KLHL3: variants seen among roughly 807,000 people sequenced by gnomAD.
KLHL3 encodes kelch-like protein 3.
A neutral mutation model predicts 70.5 loss-of-function variants in KLHL3; 19 were observed. That is an observed-to-expected ratio of 0.27 (90% confidence interval 0.19 to 0.40). The LOEUF (loss-of-function observed/expected upper bound fraction) is 0.40, where lower values mean the gene tolerates loss of function less well. KLHL3 is among the 10% of genes least tolerant of loss of function. The pLI is 1.00. For synonymous variants in KLHL3, 258 were observed against 290.3 expected, an observed-to-expected ratio of 0.89 and a Z score of 1.13; for missense variants, 512 against 771.1, an observed-to-expected ratio of 0.66 and a Z score of 3.98.
At chr5:137,729,237 G>A (rs1239200164) in intron 1 of KLHL3, among the ~76,000 whole-genome samples, 12 of 152,092 alleles carry the variant, frequency 7.9e-5, no homozygotes, top group Admixed American at 7.2e-4. Context: ...ACTCAATGAA[G>A]GCAAAACAAC....
chr5:137,672,406 C>A (rs1449621867), intron 6 of KLHL3, among the ~76,000 whole-genome samples: 1 of 152,182 alleles, frequency 6.6e-6, no homozygotes. Flanking sequence ...AATAAGATAT[C>A]AAAATTTGGT....
intron 3 of KLHL3, chr5:137,706,474 T>C (rs915167255): frequency 8.7e-6 from 6 of 690,758 alleles, no homozygotes; most frequent in African/African-American, 3.9e-5. Context: ...CTGGTACAAC[T>C]GTTCTTTAGA....
At chr5:137,704,321 C>T (rs1196483024) in intron 3 of KLHL3, among the ~76,000 whole-genome samples, 2 of 151,890 alleles carry the variant, frequency 1.3e-5, no homozygotes, top group East Asian at 1.9e-4. Flanking sequence ...GGAAGCGGAG[C>T]TTGCAGTGAG....
At chr5:137,646,576 A>C (rs562642814) in intron 8 of KLHL3, among the ~76,000 whole-genome samples, 29 of 152,296 alleles carry the variant, frequency 1.9e-4, no homozygotes, top group African/African-American at 6.5e-4. Context: ...CATCTCTGAA[A>C]TCACAAACTT....
At chr5:137,723,421 C>T (rs78791354) in intron 1 of KLHL3, among the ~76,000 whole-genome samples, 20 of 152,130 alleles carry the variant, frequency 1.3e-4, no homozygotes, top group African/African-American at 4.8e-4. Flanking sequence ...ATCACTCAGA[C>T]TTTTAGATTT....
intron 1 of KLHL3, among the ~76,000 whole-genome samples, chr5:137,731,554 T>C (rs926049179): frequency 4.6e-5 from 7 of 152,114 alleles, no homozygotes; most frequent in Admixed American, 2.0e-4. Context: ...CAAGGGTAAA[T>C]AGATGAGCTC....
At chr5:137,635,345 T>A (rs1248873353) in intron 11 of KLHL3, among the ~76,000 whole-genome samples, 5 of 152,110 alleles carry the variant, frequency 3.3e-5, no homozygotes, top group Admixed American at 6.5e-5. Context: ...CAAAATTTTT[T>A]AAAAACCTGA....
intron 12 of KLHL3, chr5:137,628,740 TACATACATA>T (rs1750555129): frequency 6.5e-6 from 1 of 154,926 alleles, no homozygotes; most frequent in African/African-American, 4.3e-5. Flanking sequence ...CAGACATACA[TACATACATA>T]CATACATACA....
chr5:137,693,344 A>G (rs998521319), intron 4 of KLHL3, among the ~76,000 whole-genome samples: 17 of 152,210 alleles, frequency 1.1e-4, no homozygotes, highest in African/African-American at 4.1e-4. Flanking sequence ...TATTTATACT[A>G]TATCCTGAAA....
chr5:137,659,191 C>A (rs900564624), intron 7 of KLHL3, among the ~76,000 whole-genome samples: 1 of 152,192 alleles, frequency 6.6e-6, no homozygotes, highest in African/African-American at 2.4e-5. Context: ...CCTGGTTGGG[C>A]AGCCCTGTGC....
At chr5:137,684,808 A>G (rs1752123545) in intron 5 of KLHL3, among the ~76,000 whole-genome samples, 2 of 152,264 alleles carry the variant, frequency 1.3e-5, no homozygotes, top group African/African-American at 4.8e-5. Flanking sequence ...TTGCCCAGGA[A>G]GACTGTGATG....
intron 1 of KLHL3, among the ~76,000 whole-genome samples, chr5:137,725,620 T>C (rs1361527495): frequency 1.3e-5 from 2 of 152,242 alleles, no homozygotes; most frequent in Non-Finnish European, 2.9e-5. Flanking sequence ...GAATCTCTGC[T>C]CTTTGCTATA....
In KLHL3 at chr5:137,621,999, C is replaced by A. The variant is rs1580710555; in HGVS notation, c.*99G>T. The A allele has an allele frequency of 2.3e-6, 3 of 1,293,472 alleles. No individual in the cohort carries two copies. In the East Asian group the frequency reaches 6.9e-5, roughly 30 times the overall value. The allele number at this position is 1,293,472 out of a possible 1,614,324, so 80.1% of individuals were successfully genotyped here. On this transcript the variant is annotated 3_prime_UTR_variant, in exon 15 of 15. Transcript: ENST00000309755. ...AGAGCGGTTCTCACAGCAGCACAGA[C>A]CCTCCCAAGCAAGTTGAATCCAGTC...
At chr5:137,642,968 C>T (rs1375211399) in intron 8 of KLHL3, among the ~76,000 whole-genome samples, 1 of 151,998 alleles carries the variant, frequency 6.6e-6, no homozygotes, top group African/African-American at 2.4e-5. Context: ...AGAAAATCTA[C>T]CACTCATCTC....
Position 137,735,922 on chromosome 5 carries a change from T to A in KLHL3, c.-276A>T. The stretch of plus-strand genomic sequence containing the variant: ...AAAGCAGCAACCCACTTGCTCCCCC[T>A]CCCCCGCAGGCTTGCTGCTCCTTGG... On this transcript the variant is annotated 5_prime_UTR_variant, in exon 1 of 15. Coordinates refer to ENST00000309755, the MANE Select transcript of KLHL3 (RefSeq NM_017415.3). 3.9e-6 allele frequency: 2 copies of A among 507,976 alleles called. No homozygotes were observed. The highest frequency in any genetic ancestry group is 7.2e-6 in the Non-Finnish European group (2 of 276,926). The allele number at this position is 507,976 out of a possible 1,614,324, so 31.5% of individuals were successfully genotyped here. A position where few individuals can be genotyped will look rare whatever the true frequency, so the allele number is the denominator to read the frequency against.
At chr5:137,692,242 T>G (rs1349629997) in intron 5 of KLHL3, 43 bp downstream of exon 5, 5 of 1,571,492 alleles carry the variant, frequency 3.2e-6, no homozygotes, top group Non-Finnish European at 4.3e-6. Context: ...GGTGATTAGA[T>G]CCACAAACTC....
chr5:137,705,879 G>T, intron 3 of KLHL3: 2 of 379,666 alleles, frequency 5.3e-6, no homozygotes, highest in Non-Finnish European at 3.6e-6. Flanking sequence ...GATGGGGAAT[G>T]AGTCCTAGAC....
Position 137,621,430 on chromosome 5 carries a change from C to G in KLHL3, c.*668G>C, listed in dbSNP as rs1750293357. The G allele has an allele frequency of 6.6e-6, 1 of 152,428 alleles. No individual in the cohort carries two copies. Among genetic ancestry groups the G allele is most frequent in the Admixed American group, 6.5e-5 (1 of 15,278 alleles). 9.4% of individuals were successfully genotyped at this position (152,428 alleles called of 1,614,324 possible). On this transcript the variant is annotated 3_prime_UTR_variant, in exon 15 of 15. Transcript: ENST00000309755. Reference sequence around the variant, plus strand: ...AGGAAAAACAGTGAGCTGAGAAGCACAGGGAACCCATTTGTCCCTTATTCT... The same window carrying G: ...AGGAAAAACAGTGAGCTGAGAAGCAGAGGGAACCCATTTGTCCCTTATTCT...
intron 3 of KLHL3, among the ~76,000 whole-genome samples, chr5:137,702,926 AC>A (rs746492322): frequency 1.4e-4 from 21 of 152,174 alleles, no homozygotes; most frequent in Non-Finnish European, 2.6e-4. Context: ...CACAGCTGAG[AC>A]CTTTTTAGGT....
Sources: allele counts gnomAD v4.1 joint callset (sites outside exome capture counted in the v4.1 genomes callset), GRCh38; gene constraint gnomAD v4.1.1; transcripts MANE v1.5; gene names NCBI Gene and HGNC (gene_info 2026-07-23, HGNC 2026-07-21).